SPMIP6: variants seen among roughly 807,000 people sequenced by gnomAD.
SPMIP6 encodes the protein sperm microtubule inner protein 6, also known as ciliated bronchial epithelial protein 1.
the SPMIP6 span, chr9:34,379,860 T>C: frequency 1.5e-6 from 1 of 670,008 alleles, no homozygotes; most frequent in East Asian, 2.7e-5. This position sits in a 1 kb window ranked among gnomAD's most constrained non-coding sequence, Gnocchi z 4.2. Context: ...CCTCTCCTTC[T>C]TCCTCACCCT....
chr9:34,390,667 T>G, the SPMIP6 span, among the ~76,000 whole-genome samples: 2 of 152,272 alleles, frequency 1.3e-5, no homozygotes, highest in African/African-American at 4.8e-5. Flanking sequence ...TGAATTGGAC[T>G]GTATACTTTT....
At chr9:34,379,222 G>T in the SPMIP6 span, 1 of 1,197,140 alleles carries the variant, frequency 8.4e-7, no homozygotes, top group Non-Finnish European at 1.2e-6. The surrounding 1 kb of genome is among the most constrained non-coding windows in gnomAD (Gnocchi z 4.2). Flanking sequence ...ATCCTCATAT[G>T]TCAAAGTGAA....
the SPMIP6 span, chr9:34,380,869 C>G: frequency 2.0e-6 from 3 of 1,531,122 alleles, no homozygotes; most frequent in Non-Finnish European, 2.6e-6. Context: ...GGGTGGAGCC[C>G]GGCTGAGGCG....
chr9:34,381,689 A>C, the SPMIP6 span: 1 of 1,377,810 alleles, frequency 7.3e-7, no homozygotes. The surrounding 1 kb of genome is among the most constrained non-coding windows in gnomAD (Gnocchi z 4.4). Flanking sequence ...GCCTGTGACA[A>C]CCCTGTCTCA....
chr9:34,381,538 C>A, the SPMIP6 span: 13 of 1,570,282 alleles, frequency 8.3e-6, no homozygotes, highest in Non-Finnish European at 1.1e-5. The surrounding 1 kb of genome is among the most constrained non-coding windows in gnomAD (Gnocchi z 4.4). Context: ...ATCGCCACGC[C>A]GCAACTTCTC....
chr9:34,393,163 A>G, the SPMIP6 span, among the ~76,000 whole-genome samples: 1 of 152,252 alleles, frequency 6.6e-6, no homozygotes, highest in East Asian at 1.9e-4. Context: ...CTCTCTTTAG[A>G]ACAATGGGAG....
the SPMIP6 span, among the ~76,000 whole-genome samples, chr9:34,396,791 A>AACTCTAC: frequency 6.6e-6 from 1 of 152,122 alleles, no homozygotes; most frequent in Non-Finnish European, 1.5e-5. Flanking sequence ...CACATCGGGC[A>AACTCTAC]ACTCTACTTT....
chr9:34,383,792 G>A, the SPMIP6 span, among the ~76,000 whole-genome samples: 1 of 152,170 alleles, frequency 6.6e-6, no homozygotes, highest in Non-Finnish European at 1.5e-5. Context: ...GTTGCTGTGA[G>A]GTTTAAGTGA....
chr9:34,383,763 G>A, the SPMIP6 span, among the ~76,000 whole-genome samples: 1 of 152,134 alleles, frequency 6.6e-6, no homozygotes, highest in Admixed American at 6.6e-5. Context: ...GGGGATAATA[G>A]TACCATTTAC....
chr9:34,385,862 C>T, the SPMIP6 span: 2 of 1,471,338 alleles, frequency 1.4e-6, no homozygotes, highest in Non-Finnish European at 1.8e-6. Context: ...GATCCAGCCT[C>T]TCTTGAGAAG....
At chr9:34,385,392 C>T in the SPMIP6 span, among the ~76,000 whole-genome samples, 1 of 151,774 alleles carries the variant, frequency 6.6e-6, no homozygotes, top group African/African-American at 2.4e-5. Flanking sequence ...ATTAGCCGGG[C>T]CTGGTGGCAC....
At chr9:34,380,796 G>A in the SPMIP6 span, 2 of 1,539,636 alleles carry the variant, frequency 1.3e-6, no homozygotes, top group Admixed American at 2.0e-5. Flanking sequence ...AGAGCAGGCT[G>A]GGGGCCTGCA....
chr9:34,397,714 C>G, the SPMIP6 span: 4 of 1,423,228 alleles, frequency 2.8e-6, no homozygotes, highest in African/African-American at 1.4e-5. Context: ...TTCCCCTAGA[C>G]AGGCCACACC....
the SPMIP6 span, among the ~76,000 whole-genome samples, chr9:34,388,259 GC>G: frequency 6.6e-6 from 1 of 150,752 alleles, no homozygotes; most frequent in Non-Finnish European, 1.5e-5. Flanking sequence ...TCCTGCCTCA[GC>G]CTCCCAAGTA....
chr9:34,380,886 G>A, the SPMIP6 span: 2 of 1,513,732 alleles, frequency 1.3e-6, no homozygotes, highest in African/African-American at 1.4e-5. Context: ...GGCGGGCGGA[G>A]CCCTGCGAAC....
At chr9:34,382,705 G>T in the SPMIP6 span, 1 of 1,190,446 alleles carries the variant, frequency 8.4e-7, no homozygotes, top group South Asian at 1.2e-5. Context: ...GAGGTGGTGG[G>T]GTATGCGTGT....
At chr9:34,380,841 T>TTTGG in the SPMIP6 span, 4 of 769,946 alleles carry the variant, frequency 5.2e-6, no homozygotes, top group Non-Finnish European at 7.6e-6. Context: ...GGCGGGGTTC[T>TTTGG]GGGGCGGGGC....
the SPMIP6 span, among the ~76,000 whole-genome samples, chr9:34,386,462 C>T: frequency 3.3e-5 from 5 of 151,924 alleles, no homozygotes; most frequent in South Asian, 8.3e-4. Context: ...GGCATGGTGG[C>T]GAGCTCCTAT....
chr9:34,386,138 C>A, the SPMIP6 span, among the ~76,000 whole-genome samples: 1 of 152,160 alleles, frequency 6.6e-6, no homozygotes, highest in Non-Finnish European at 1.5e-5. Flanking sequence ...TGCCTGGGAG[C>A]AGGGCTGGGT....
Sources: allele counts gnomAD v4.1 joint callset (sites outside exome capture counted in the v4.1 genomes callset), GRCh38; gene constraint gnomAD v4.1.1; non-coding constraint Gnocchi (gnomAD v3.1); transcripts MANE v1.5; gene names NCBI Gene and HGNC (gene_info 2026-07-23, HGNC 2026-07-21).